Variants in RARB observed in about 807,000 individuals in gnomAD.
RARB encodes the protein retinoic acid receptor beta, also known as HBV-activated protein.
Under a neutral mutation model 51.9 loss-of-function variants are expected in RARB, and 17 were observed. The observed-to-expected ratio is 0.33, with a 90% confidence interval of 0.22 to 0.49. The LOEUF (loss-of-function observed/expected upper bound fraction) is 0.49, where lower values mean the gene tolerates loss of function less well. Among genes scored for constraint, RARB ranks in the 20% least tolerant of loss-of-function variants. RARB has a pLI of 0.99. For missense variants in RARB, 369 were observed against 550.8 expected, an observed-to-expected ratio of 0.67 and a Z score of 3.30; for synonymous variants, 215 against 195.4, an observed-to-expected ratio of 1.10 and a Z score of -0.84.
intron 2 of RARB, among the ~76,000 whole-genome samples, chr3:24,919,862 A>G (rs547459811): frequency 1.3e-5 from 2 of 152,304 alleles, no homozygotes; most frequent in African/African-American, 4.8e-5. Flanking sequence ...GGTGCTGCTG[A>G]ACTCTGAACA....
intron 2 of RARB, among the ~76,000 whole-genome samples, chr3:24,980,772 G>T (rs188668671): frequency 1.3e-5 from 2 of 152,086 alleles, no homozygotes; most frequent in African/African-American, 4.8e-5. Context: ...CTGTCAACTC[G>T]TCAAACTCAT....
At chr3:25,530,141 T>C (rs888878233) in intron 3 of RARB, among the ~76,000 whole-genome samples, 5 of 152,220 alleles carry the variant, frequency 3.3e-5, no homozygotes, top group Non-Finnish European at 7.3e-5. Flanking sequence ...CTGAGTGTTA[T>C]CTACCCCTTA....
At chr3:24,834,085 G>A (rs952246691) in intron 1 of RARB, among the ~76,000 whole-genome samples, 2 of 152,208 alleles carry the variant, frequency 1.3e-5, no homozygotes, top group Non-Finnish European at 1.5e-5. Flanking sequence ...AATTAAGAAA[G>A]AGCTTATACC....
intron 2 of RARB, among the ~76,000 whole-genome samples, chr3:25,468,088 A>G (rs115254465): frequency 0.011 from 1,610 of 152,258 alleles, 15 homozygotes; most frequent in Middle Eastern, 0.037. Context: ...TAGGTCAGAA[A>G]CCAAACACTT....
rs552219112 is a variant in RARB at position 25,118,620 on chromosome 3, T to C, written c.-327-13541T>C. Reference sequence around the variant, plus strand: ...AGAAGTACATGGAGGATAGCTGCTCTGTTTTGTCAGGAAGTGCTAAGCCAT... The same window carrying C: ...AGAAGTACATGGAGGATAGCTGCTCCGTTTTGTCAGGAAGTGCTAAGCCAT... On this transcript the variant is annotated intron_variant, in intron 3 of 11. Coordinates refer to the RARB transcript ENST00000383772. 7.9e-5 allele frequency among the ~76,000 whole-genome samples: 12 copies of C among 152,294 alleles called. No individual in the cohort carries two copies. The South Asian group carries it at 1.9e-3, about 24-fold the overall frequency.
chr3:25,242,685 G>C (rs1482998567), intron 5 of RARB, among the ~76,000 whole-genome samples: 1 of 152,136 alleles, frequency 6.6e-6, no homozygotes, highest in Non-Finnish European at 1.5e-5. Flanking sequence ...TTTGGTACCA[G>C]TACCATGCTG....
intron 5 of RARB, among the ~76,000 whole-genome samples, chr3:25,222,235 A>G (rs958735482): frequency 6.6e-6 from 1 of 152,182 alleles, no homozygotes; most frequent in African/African-American, 2.4e-5. Context: ...CAGGAGGCCT[A>G]TATAATTGAG....
intron 2 of RARB, among the ~76,000 whole-genome samples, chr3:25,027,229 TAAGAG>T (rs66753792): frequency 0.68 from 102,084 of 151,214 alleles, 34,721 homozygotes; most frequent in East Asian, 0.87. Context: ...CCAAAATTAA[TAAGAG>T]AAGGATGGAG....
chr3:25,286,264 A>G (rs1703652445), intron 5 of RARB, among the ~76,000 whole-genome samples: 1 of 151,438 alleles, frequency 6.6e-6, no homozygotes, highest in Admixed American at 6.6e-5. Flanking sequence ...AATTTTTTGT[A>G]TTTTGAGCAG....
chr3:25,114,718 A>T (rs535800304), intron 3 of RARB, among the ~76,000 whole-genome samples: 2 of 152,322 alleles, frequency 1.3e-5, no homozygotes, highest in South Asian at 4.1e-4. Context: ...AGGAAAGAAG[A>T]TTAGGTTGCT....
chr3:25,032,419 T>C (rs952761884), intron 2 of RARB, among the ~76,000 whole-genome samples: 2 of 152,212 alleles, frequency 1.3e-5, no homozygotes, highest in African/African-American at 4.8e-5. Context: ...AAGTGCTACA[T>C]AAATGCTAAG....
At chr3:24,995,412 A>G (rs548148485) in intron 2 of RARB, among the ~76,000 whole-genome samples, 1 of 152,182 alleles carries the variant, frequency 6.6e-6, no homozygotes, top group South Asian at 2.1e-4. Context: ...GTCATCTGCA[A>G]AGAATACTAA....
In RARB at chr3:25,428,797, T is replaced by A. The variant is rs1291590330; in HGVS notation, c.66T>A (p.Ser22Arg). 1.9e-6 allele frequency: 3 copies of A among 1,613,964 alleles called. No individual in the cohort carries two copies. The highest frequency in any genetic ancestry group is 2.5e-6 in the Non-Finnish European group (3 of 1,180,024). The part of the protein sequence containing the change: ...PGQILDFYTA[S>R]PSSCMLQEKA... The stretch of plus-strand genomic sequence containing the variant: ...AAATCCTGGATTTCTACACTGCGAG[T>A]CCGTCTTCCTGCATGCTCCAGGAGA... The change falls in exon 1 of 8, where the codon AGT (serine) becomes AGA (arginine). Residue 22 changes from serine to arginine, a missense_variant. By Grantham distance (110) the Ser-to-Arg change is moderately radical. Transcript: ENST00000330688.
At chr3:25,168,881 A>G (rs1449897287) in intron 4 of RARB, among the ~76,000 whole-genome samples, 1 of 152,190 alleles carries the variant, frequency 6.6e-6, no homozygotes, top group Non-Finnish European at 1.5e-5. Context: ...GATTGAATGC[A>G]TTTACTAAGT....
intron 3 of RARB, among the ~76,000 whole-genome samples, chr3:25,119,657 AAC>A (rs1288987067): frequency 1.7e-4 from 25 of 149,910 alleles, no homozygotes; most frequent in African/African-American, 5.8e-4. Context: ...AAAACAAACA[AAC>A]AAAAAAAAAA....
intron 2 of RARB, among the ~76,000 whole-genome samples, chr3:25,027,123 A>C (rs976797680): frequency 4.6e-5 from 7 of 152,222 alleles, no homozygotes; most frequent in Non-Finnish European, 1.0e-4. Flanking sequence ...TTCTGCCATT[A>C]GGAATGGAAA....
At chr3:25,106,932 G>A (rs150714415) in intron 3 of RARB, among the ~76,000 whole-genome samples, 21 of 151,072 alleles carry the variant, frequency 1.4e-4, no homozygotes, top group Non-Finnish European at 2.1e-4. Context: ...ATGGAGTCTC[G>A]CTGTCTTGCC....
At chr3:25,581,683 G>A (rs909160559) in intron 5 of RARB, among the ~76,000 whole-genome samples, 9 of 152,158 alleles carry the variant, frequency 5.9e-5, no homozygotes, top group South Asian at 4.1e-4. Flanking sequence ...GGGTCTTTGG[G>A]CGGGGGCGAT....
At chr3:25,241,288 T>G (rs58554980) in intron 5 of RARB, among the ~76,000 whole-genome samples, 5,433 of 152,258 alleles carry the variant, frequency 0.036, 312 homozygotes, top group African/African-American at 0.12. Context: ...ATTTTGATTT[T>G]TAAAAGTCTG....
Sources: gnomAD v4.1 joint callset for allele counts (sites outside exome capture counted in the v4.1 genomes callset) on GRCh38, gnomAD v4.1.1 for gene constraint, MANE v1.5 for transcripts, NCBI Gene and HGNC (gene_info 2026-07-23, HGNC 2026-07-21) for gene names.